Variants in NRXN1 observed in about 807,000 individuals in gnomAD.
NRXN1 encodes the protein neurexin 1.
Under a neutral mutation model 150.9 loss-of-function variants are expected in NRXN1, and 39 were observed. The ratio of observed to expected loss-of-function variants is 0.26; its 90% CI spans 0.20 to 0.34. NRXN1 has a LOEUF of 0.34. Ranked by LOEUF, NRXN1 falls within the 10% of genes least tolerant of loss-of-function variation. The pLI, the probability that NRXN1 is intolerant of heterozygous loss-of-function variation, is 1.00. For missense variants in NRXN1, 1,815 were observed against 1,949.9 expected (o/e 0.93, Z 1.30); for synonymous variants, 924 against 757.0 (o/e 1.22, Z -3.62).
intron 5 of NRXN1, among the ~76,000 whole-genome samples, chr2:50,773,254 T>G (rs1703222524): frequency 6.6e-6 from 1 of 152,148 alleles, no homozygotes; most frequent in Non-Finnish European, 1.5e-5. Flanking sequence ...TAATTCTATT[T>G]ATTCAACTCC....
At chr2:50,851,980 G>A (rs980437755) in intron 5 of NRXN1, among the ~76,000 whole-genome samples, 21 of 152,246 alleles carry the variant, frequency 1.4e-4, no homozygotes, top group African/African-American at 5.1e-4. Flanking sequence ...CACTCCAAAG[G>A]ACGCGAATGT....
intron 2 of NRXN1, among the ~76,000 whole-genome samples, chr2:50,964,372 C>A (rs1305284275): frequency 2.0e-5 from 3 of 151,494 alleles, no homozygotes; most frequent in Non-Finnish European, 3.0e-5. Flanking sequence ...TGTTCATATA[C>A]TGTAGCATAG....
chr2:50,680,824 G>C (rs1310122935), intron 5 of NRXN1, among the ~76,000 whole-genome samples: 2 of 151,708 alleles, frequency 1.3e-5, no homozygotes, highest in African/African-American at 2.4e-5. Context: ...TCAAGGTTAT[G>C]CTATTCAATT....
chr2:50,519,612 C>T (rs1322884397), intron 12 of NRXN1, among the ~76,000 whole-genome samples: 4 of 151,832 alleles, frequency 2.6e-5, no homozygotes, highest in Non-Finnish European at 4.4e-5. Flanking sequence ...TGTCTCTGTG[C>T]CTGTTTCTGG....
chr2:51,017,447 CA>C (rs1668864323), intron 2 of NRXN1, among the ~76,000 whole-genome samples: 1 of 141,928 alleles, frequency 7.0e-6, no homozygotes, highest in Non-Finnish European at 1.5e-5. Context: ...GCAATCTTCA[CA>C]CCTCAGCCTC....
At chr2:50,213,084 C>T (rs1285811643) in intron 18 of NRXN1, among the ~76,000 whole-genome samples, 1 of 151,810 alleles carries the variant, frequency 6.6e-6, no homozygotes, top group African/African-American at 2.4e-5. Context: ...CAGACAGGAG[C>T]TGGTTGTTGT....
At chr2:49,989,236 G>A (rs1225499672) in intron 21 of NRXN1, among the ~76,000 whole-genome samples, 4 of 152,156 alleles carry the variant, frequency 2.6e-5, no homozygotes, top group African/African-American at 9.6e-5. Flanking sequence ...AAACCTTGGG[G>A]TCTTTAAGCT....
intron 17 of NRXN1, among the ~76,000 whole-genome samples, chr2:50,296,482 C>T (rs756408187): frequency 1.6e-4 from 23 of 144,104 alleles, no homozygotes; most frequent in Non-Finnish European, 2.5e-4. Flanking sequence ...TCTGTCACTT[C>T]CCTCTGCATA....
rs201702263 is a variant in NRXN1 at position 49,943,695 on chromosome 2, T to C, written c.4216+9A>G. ...AAAGCCAAGGAAGTAAGAAAAAAAGTTGACTAACCTAACCCACCTGAGCTC... is the reference window on the plus strand; with the variant it reads ...AAAGCCAAGGAAGTAAGAAAAAAAGCTGACTAACCTAACCCACCTGAGCTC... On this transcript the variant is annotated intron_variant, in intron 22 of 22. Transcript: ENST00000401669. The C allele has an allele frequency of 3.7e-6, 6 of 1,602,382 alleles. No individual in the cohort carries two copies. Among genetic ancestry groups the C allele is most frequent in the African/African-American group, 1.3e-5 (1 of 74,662 alleles).
chr2:50,353,694 CAA>C, intron 17 of NRXN1, among the ~76,000 whole-genome samples: 1 of 151,898 alleles, frequency 6.6e-6, no homozygotes, highest in Non-Finnish European at 1.5e-5. Flanking sequence ...TACTTTATGC[CAA>C]AGACATAAAG....
At chr2:50,830,029 A>AAAAAAAAAAAAAAC (rs1671193186) in intron 5 of NRXN1, among the ~76,000 whole-genome samples, 1 of 128,560 alleles carries the variant, frequency 7.8e-6, no homozygotes, top group Non-Finnish European at 1.7e-5. Flanking sequence ...AAAAAAAAAA[A>AAAAAAAAAAAAAAC]AGCTCATTTC....
intron 8 of NRXN1, among the ~76,000 whole-genome samples, chr2:50,556,091 T>C (rs61134387): frequency 0.017 from 2,565 of 152,274 alleles, 96 homozygotes; most frequent in African/African-American, 0.059. Flanking sequence ...TTTGAAAGGC[T>C]ACTCCAGAAA....
rs1668116680 is a variant in NRXN1 at position 49,921,060 on chromosome 2, A to ATACT, written c.*880_*883dup. On this transcript the variant is annotated 3_prime_UTR_variant, in exon 23 of 23. Transcript: ENST00000401669. ...TTGCTCTGATGTCATAAAACTCCCTATACTTAGCAACACTTATAACATTGA... is the reference window on the plus strand; with the variant it reads ...TTGCTCTGATGTCATAAAACTCCCTATACTTACTTAGCAACACTTATAACATTGA... 1 of 152,614 alleles carries ATACT rather than the reference A, an allele frequency of 6.6e-6. No individual in the cohort carries two copies. Among genetic ancestry groups the ATACT allele is most frequent in the Admixed American group, 6.5e-5 (1 of 15,272 alleles). 9.5% of individuals were successfully genotyped at this position (152,614 alleles called of 1,614,324 possible).
intron 2 of NRXN1, among the ~76,000 whole-genome samples, chr2:50,991,029 A>G (rs909486565): frequency 6.6e-6 from 1 of 151,970 alleles, no homozygotes; most frequent in Non-Finnish European, 1.5e-5. Context: ...CATTCAGCAA[A>G]TAACTCTTTC....
intron 17 of NRXN1, among the ~76,000 whole-genome samples, chr2:50,320,321 T>TAC (rs1328899423): frequency 7.9e-5 from 10 of 127,196 alleles, no homozygotes; most frequent in Non-Finnish European, 8.4e-5. Flanking sequence ...TATATATATA[T>TAC]ATATATAGTA....
chr2:51,011,981 CT>C (rs1558583709), intron 2 of NRXN1, among the ~76,000 whole-genome samples: 1 of 151,868 alleles, frequency 6.6e-6, no homozygotes, highest in Non-Finnish European at 1.5e-5. Flanking sequence ...GTGATTAATC[CT>C]TTCATCTTTC....
intron 14 of NRXN1, among the ~76,000 whole-genome samples, chr2:50,496,373 T>C (rs2091620931): frequency 6.6e-6 from 1 of 152,188 alleles, no homozygotes; most frequent in Non-Finnish European, 1.5e-5. Flanking sequence ...GCAATATCTT[T>C]CACCACGCGC....
chr2:50,522,075 G>C (rs576129312), intron 12 of NRXN1, among the ~76,000 whole-genome samples: 1 of 152,192 alleles, frequency 6.6e-6, no homozygotes, highest in African/African-American at 2.4e-5. Flanking sequence ...GGAAGGCAGA[G>C]AAGAATACAG....
At chr2:50,516,538 A>C (rs1042593264) in intron 12 of NRXN1, among the ~76,000 whole-genome samples, 1 of 152,284 alleles carries the variant, frequency 6.6e-6, no homozygotes, top group African/African-American at 2.4e-5. Flanking sequence ...GTATCAGAGA[A>C]GCTGTCTCAG....
Sources: allele counts gnomAD v4.1 joint callset (sites outside exome capture counted in the v4.1 genomes callset), GRCh38; gene constraint gnomAD v4.1.1; transcripts MANE v1.5; gene names NCBI Gene and HGNC (gene_info 2026-07-23, HGNC 2026-07-21).